The following SEMA4D variants were observed in gnomAD, a reference collection of about 807,000 sequenced individuals.
The protein encoded by SEMA4D is semaphorin 4D.
In SEMA4D, 22 loss-of-function variants were observed where a neutral mutation model predicts 74.8. The observed-to-expected ratio is 0.29, with a 90% CI of 0.21 to 0.42. SEMA4D has a LOEUF of 0.42. SEMA4D is among the 10% of genes least tolerant of loss of function. The probability of loss-of-function intolerance (pLI) is 1.00; values close to 1 mark genes in which losing one functional copy is unlikely to be tolerated. For synonymous variants in SEMA4D, 445 were observed against 463.7 expected (o/e 0.96, Z 0.52); for missense variants, 937 against 1,118.4 (o/e 0.84, Z 2.31).
At chr9:89,450,559 C>A in intron 2 of SEMA4D, 1 of 1,040,454 alleles carries the variant, frequency 9.6e-7, no homozygotes, top group Non-Finnish European at 1.5e-6. Context: ...ATGCAGATAA[C>A]CAGTGGTCCC....
intron 1 of SEMA4D, among the ~76,000 whole-genome samples, chr9:89,468,505 C>A (rs1318256052): frequency 6.6e-6 from 1 of 152,198 alleles, no homozygotes. Flanking sequence ...GACGGCAAAG[C>A]AATCTCTGCT....
At chr9:89,477,624 AC>A (rs1295144971) in intron 1 of SEMA4D, among the ~76,000 whole-genome samples, 1 of 151,838 alleles carries the variant, frequency 6.6e-6, no homozygotes, top group Admixed American at 6.6e-5. Context: ...TTGGGGAAAC[AC>A]CCCCTCTATG....
chr9:89,405,569 C>T lies in SEMA4D; in HGVS notation c.-113G>A, dbSNP rs1383456390. 2.7e-6 allele frequency: 4 copies of T among 1,508,276 alleles called. No individual in the cohort carries two copies. In the East Asian group the frequency reaches 7.3e-5, roughly 27 times the overall value. The allele number at this position is 1,508,276 out of a possible 1,614,324, so 93.4% of individuals were successfully genotyped here. ...CGCCCCAGGACCAGGGCCAGCAGCA[C>T]AGCCTGGAGCTCGTGAACAGCGCGG... On this transcript the variant is annotated 5_prime_UTR_variant, in exon 3 of 16. It adds an upstream start codon to the 5' untranslated region. Transcript: ENST00000422704.
chr9:89,485,689 G>C (rs906662672), intron 1 of SEMA4D, among the ~76,000 whole-genome samples: 1 of 150,084 alleles, frequency 6.7e-6, no homozygotes, highest in African/African-American at 2.4e-5. Context: ...TTGGGAGGCT[G>C]AGGCAGGAGA....
intron 1 of SEMA4D, among the ~76,000 whole-genome samples, chr9:89,490,006 C>T (rs1351568393): frequency 4.0e-5 from 6 of 151,806 alleles, no homozygotes; most frequent in Non-Finnish European, 5.9e-5. Flanking sequence ...ACCTCACCTA[C>T]GCTTGTTATT....
chr9:89,389,032 G>A lies in SEMA4D; in HGVS notation c.790C>T (p.Leu264=), dbSNP rs1454469145. ...ARVCKGDQGG[L]RTLQKKWTSF... is the part of the protein sequence containing the mutation. ...GTCCATTTCTTCTGCAAGGTCCTCA[G>A]GCCGCCCTGGTCCCCCTAAAACCCC... is the stretch of plus-strand genomic sequence containing the variant. Residue 264 remains leucine (L), a synonymous_variant, in exon 10 of 16, where the codon CTG becomes TTG. Transcript: ENST00000422704. The A allele has an allele frequency of 2.5e-6, 4 of 1,614,098 alleles. No homozygotes were observed. The highest frequency in any genetic ancestry group is 3.4e-6 in the Non-Finnish European group (4 of 1,180,004).
At chr9:89,406,079 G>A (rs1843260745) in intron 2 of SEMA4D, among the ~76,000 whole-genome samples, 1 of 152,194 alleles carries the variant, frequency 6.6e-6, no homozygotes, top group Non-Finnish European at 1.5e-5. Flanking sequence ...TCGGGTTTCA[G>A]TTTCCCTTAG....
chr9:89,472,851 T>G (rs1043239958), intron 1 of SEMA4D, among the ~76,000 whole-genome samples: 10 of 151,888 alleles, frequency 6.6e-5, no homozygotes, highest in African/African-American at 2.4e-4. Context: ...CCCAGCATTT[T>G]GGGAGGCTGA....
intron 1 of SEMA4D, among the ~76,000 whole-genome samples, chr9:89,466,556 G>A (rs1248145508): frequency 6.6e-6 from 1 of 152,152 alleles, no homozygotes; most frequent in Admixed American, 6.5e-5. Flanking sequence ...TAGACCATAC[G>A]CAGTGCATCA....
At chr9:89,365,832 A>ACTT (rs1178600207) in intron 16 of SEMA4D, among the ~76,000 whole-genome samples, 6 of 152,194 alleles carry the variant, frequency 3.9e-5, no homozygotes, top group African/African-American at 1.4e-4. Flanking sequence ...CACATGCTGG[A>ACTT]CTTTTGAAAA....
At chr9:89,376,863 C>G, downstream of SEMA4D, 1 of 1,550,314 alleles carries the variant, frequency 6.5e-7, no homozygotes, top group Admixed American at 2.0e-5. Context: ...TAGAAGTTCC[C>G]CAGGGCGTGC....
intron 2 of SEMA4D, among the ~76,000 whole-genome samples, chr9:89,420,976 A>T (rs929976389): frequency 1.3e-5 from 2 of 152,222 alleles, no homozygotes; most frequent in Admixed American, 6.5e-5. Flanking sequence ...GAAGCCAGTT[A>T]TATCTGCCTA....
intron 2 of SEMA4D, among the ~76,000 whole-genome samples, chr9:89,454,951 A>G (rs1411493737): frequency 6.6e-6 from 1 of 152,206 alleles, no homozygotes; most frequent in South Asian, 2.1e-4. Context: ...CTTCACATTT[A>G]CAGAGAAGGA....
At chr9:89,411,162 G>C (rs567216131) in intron 2 of SEMA4D, among the ~76,000 whole-genome samples, 1 of 152,212 alleles carries the variant, frequency 6.6e-6, no homozygotes, top group Non-Finnish European at 1.5e-5. Context: ...ATTACTGATT[G>C]CATCTGTGGC....
chr9:89,473,797 G>T (rs1861063338), intron 1 of SEMA4D, among the ~76,000 whole-genome samples: 1 of 151,208 alleles, frequency 6.6e-6, no homozygotes, highest in East Asian at 2.0e-4. Flanking sequence ...AGAGGTTGCA[G>T]TGAGCTGAGA....
At position 89,454,397 on chromosome 9, in the gene SEMA4D, G is replaced by C. The variant is rs143188229; in HGVS notation, c.-244+1491C>G. On this transcript the variant is annotated intron_variant, in intron 2 of 15. Transcript: ENST00000422704. Reference sequence around the variant, plus strand: ...ACGTGGCTGAGGCTCCCCTAGCTTGGTGTGGCTGACATGGTCAGCCCCCCC... The same window carrying C: ...ACGTGGCTGAGGCTCCCCTAGCTTGCTGTGGCTGACATGGTCAGCCCCCCC... 3.7e-3 allele frequency among the ~76,000 whole-genome samples: 559 copies of C among 152,254 alleles called. 2 individuals carry two copies. Among genetic ancestry groups the C allele is most frequent in the African/African-American group, 0.013 (534 of 41,528 alleles).
At chr9:89,392,835 T>C (rs954686131) in intron 7 of SEMA4D, among the ~76,000 whole-genome samples, 1 of 152,200 alleles carries the variant, frequency 6.6e-6, no homozygotes, top group Non-Finnish European at 1.5e-5. Context: ...CAAGCAATTC[T>C]CCTGCCTCAA....
chr9:89,488,042 A>G (rs529437659), intron 1 of SEMA4D, among the ~76,000 whole-genome samples: 3 of 152,326 alleles, frequency 2.0e-5, no homozygotes, highest in South Asian at 4.1e-4. Context: ...CGACACTACA[A>G]TTTTGAAAAT....
chr9:89,445,698 C>T (rs573161514), intron 2 of SEMA4D, among the ~76,000 whole-genome samples: 1 of 152,306 alleles, frequency 6.6e-6, no homozygotes, highest in East Asian at 1.9e-4. Flanking sequence ...CTTCCATTCA[C>T]AGGCAGTCAG....
Sources: gnomAD v4.1 joint callset for allele counts (sites outside exome capture counted in the v4.1 genomes callset) on GRCh38, gnomAD v4.1.1 for gene constraint, MANE v1.5 for transcripts, NCBI Gene and HGNC (gene_info 2026-07-23, HGNC 2026-07-21) for gene names.